Variants in MIS18A observed in about 807,000 individuals in gnomAD.
MIS18A encodes MIS18 kinetochore protein A, also known as protein Mis18-alpha.
A neutral mutation model predicts 25.0 loss-of-function variants in MIS18A; 14 were observed. The ratio of observed to expected loss-of-function variants is 0.56; its 90% CI spans 0.37 to 0.88. MIS18A has a LOEUF of 0.88. Among genes scored for constraint, MIS18A ranks in the 40% least tolerant of loss-of-function variants. The pLI is 0.00. For missense variants in MIS18A, 292 were observed against 290.8 expected, an observed-to-expected ratio of 1.00 and a Z score of -0.03; for synonymous variants, 134 against 118.6, an observed-to-expected ratio of 1.13 and a Z score of -0.84.
the MIS18A span, among the ~76,000 whole-genome samples, chr21:32,201,587 G>A: frequency 2.0e-5 from 3 of 152,104 alleles, no homozygotes; most frequent in African/African-American, 2.4e-5. Context: ...TTGGGAGGCC[G>A]AGGCGGGAAG....
At chr21:32,183,825 G>A in the MIS18A span, among the ~76,000 whole-genome samples, 60,597 of 152,040 alleles carry the variant, frequency 0.4, 12,261 homozygotes, top group East Asian at 0.54. Context: ...TTTATGGAAG[G>A]AAGTGGTCAC....
the MIS18A span, among the ~76,000 whole-genome samples, chr21:32,257,336 G>A: frequency 1.3e-5 from 2 of 152,228 alleles, no homozygotes; most frequent in South Asian, 2.1e-4. Context: ...TAAATAAAAT[G>A]TTCACGTGCC....
At chr21:32,209,878 C>A in the MIS18A span, among the ~76,000 whole-genome samples, 1 of 152,210 alleles carries the variant, frequency 6.6e-6, no homozygotes, top group East Asian at 1.9e-4. Context: ...GCCTCCGCAA[C>A]CCTGTGGAAC....
At chr21:32,199,867 C>T in the MIS18A span, among the ~76,000 whole-genome samples, 1 of 152,146 alleles carries the variant, frequency 6.6e-6, no homozygotes, top group African/African-American at 2.4e-5. Flanking sequence ...TGGGCACCAT[C>T]CCAGAGGCAC....
the MIS18A span, among the ~76,000 whole-genome samples, chr21:32,156,925 T>G: frequency 6.6e-6 from 1 of 152,160 alleles, no homozygotes; most frequent in African/African-American, 2.4e-5. Flanking sequence ...TGAGAGATAT[T>G]AACTGCTTCA....
the MIS18A span, among the ~76,000 whole-genome samples, chr21:32,184,116 CT>C: frequency 2.0e-5 from 3 of 152,218 alleles, no homozygotes; most frequent in African/African-American, 7.2e-5. Context: ...AAAACAGCCA[CT>C]TCAGAAAGCC....
chr21:32,165,398 AAATT>A, the MIS18A span, among the ~76,000 whole-genome samples: 6 of 151,258 alleles, frequency 4.0e-5, no homozygotes, highest in Admixed American at 6.6e-5. Flanking sequence ...CATGAGTACT[AAATT>A]AATTAATTAA....
chr21:32,210,594 G>A, the MIS18A span, among the ~76,000 whole-genome samples: 3 of 152,098 alleles, frequency 2.0e-5, no homozygotes, highest in Non-Finnish European at 4.4e-5. Context: ...TTGACTTTAT[G>A]ATGTCATGAG....
intron 3 of MIS18A, among the ~76,000 whole-genome samples, chr21:32,270,166 G>A (rs967897829): frequency 1.3e-5 from 2 of 151,464 alleles, no homozygotes; most frequent in South Asian, 4.1e-4. Context: ...AAAAACAACT[G>A]AATATACTTT....
the MIS18A span, among the ~76,000 whole-genome samples, chr21:32,202,982 G>T: frequency 6.6e-6 from 1 of 151,970 alleles, no homozygotes; most frequent in Non-Finnish European, 1.5e-5. Flanking sequence ...CAATTATTTG[G>T]GGTATATGCC....
At position 32,278,995 on chromosome 21, in the gene MIS18A, A is replaced by G. The variant is rs769652796; in HGVS notation, c.20T>C (p.Leu7Pro). Reference sequence around the variant, plus strand: ...GCCAGCGCATCCTCTGCTACACCTCAGTGACCGAACGCCTGCCATTACCTA... The same window carrying G: ...GCCAGCGCATCCTCTGCTACACCTCGGTGACCGAACGCCTGCCATTACCTA... MAGVRS[L>P]RCSRGCAGGC... Residue 7 changes from leucine (L) to proline (P), a missense_variant, in exon 1 of 5, where the codon CTG (leucine) becomes CCG (proline). Transcript: ENST00000290130. The G allele has an allele frequency of 1.9e-6, 3 of 1,601,914 alleles. No individual in the cohort carries two copies. Among genetic ancestry groups the G allele is most frequent in the African/African-American group, 1.3e-5 (1 of 74,760 alleles).
At position 32,269,003 on chromosome 21, in the gene MIS18A, G is replaced by T; in HGVS notation, c.*34C>A. On this transcript the variant is annotated 3_prime_UTR_variant, in exon 5 of 5. Transcript: ENST00000290130. ...TTCATTTAACAAATAAGGGGAGGAAGGGCGGGGGCAGAATGGAGGACACAG... is the reference window on the plus strand; with the variant it reads ...TTCATTTAACAAATAAGGGGAGGAATGGCGGGGGCAGAATGGAGGACACAG... 1 of 1,430,526 alleles carries T rather than the reference G, an allele frequency of 7.0e-7. No homozygotes were observed. The highest frequency in any genetic ancestry group is 9.6e-7 in the Non-Finnish European group (1 of 1,041,098). The allele number at this position is 1,430,526 out of a possible 1,614,324, so 88.6% of individuals were successfully genotyped here.
At chr21:32,178,573 ATGT>A in the MIS18A span, among the ~76,000 whole-genome samples, 2 of 152,178 alleles carry the variant, frequency 1.3e-5, no homozygotes, top group Non-Finnish European at 2.9e-5. Flanking sequence ...GAGTATCTTA[ATGT>A]TGTCTTGATG....
chr21:32,176,835 G>A, the MIS18A span, among the ~76,000 whole-genome samples: 1 of 151,762 alleles, frequency 6.6e-6, no homozygotes, highest in African/African-American at 2.4e-5. Context: ...AAATAGCACA[G>A]ATACTACACA....
the MIS18A span, among the ~76,000 whole-genome samples, chr21:32,190,814 G>C: frequency 8.5e-5 from 13 of 152,318 alleles, no homozygotes; most frequent in South Asian, 2.7e-3. Context: ...CGAAAGTTCA[G>C]CCCAACCTGG....
the MIS18A span, among the ~76,000 whole-genome samples, chr21:32,232,371 G>A: frequency 6.6e-6 from 1 of 150,738 alleles, no homozygotes; most frequent in South Asian, 2.1e-4. Flanking sequence ...TATCTATGTG[G>A]TATGCATAAA....
the MIS18A span, among the ~76,000 whole-genome samples, chr21:32,250,329 T>C: frequency 3.3e-5 from 5 of 152,346 alleles, no homozygotes; most frequent in South Asian, 1.0e-3. Context: ...TAATCAGTTA[T>C]CTTTATAGAT....
At chr21:32,156,009 T>C in the MIS18A span, among the ~76,000 whole-genome samples, 5 of 152,082 alleles carry the variant, frequency 3.3e-5, no homozygotes, top group African/African-American at 1.2e-4. Context: ...AAAATTACAA[T>C]CTGAATTTTG....
chr21:32,232,874 T>C, the MIS18A span, among the ~76,000 whole-genome samples: 1 of 152,156 alleles, frequency 6.6e-6, no homozygotes, highest in Non-Finnish European at 1.5e-5. Flanking sequence ...TATTGTATAC[T>C]GGAAGCTTGC....
Sources: gnomAD v4.1 joint callset for allele counts (sites outside exome capture counted in the v4.1 genomes callset) on GRCh38, gnomAD v4.1.1 for gene constraint, MANE v1.5 for transcripts, NCBI Gene and HGNC (gene_info 2026-07-23, HGNC 2026-07-21) for gene names.